The following NKAIN4 variants were observed in gnomAD, a reference collection of about 807,000 sequenced individuals.
NKAIN4 encodes sodium/potassium transporting ATPase interacting 4, also known as sodium/potassium-transporting ATPase subunit beta-1-interacting protein 4.
A neutral mutation model predicts 28.8 loss-of-function variants in NKAIN4; 28 were observed. That is an observed-to-expected ratio of 0.97 (90% CI 0.72 to 1.33). The LOEUF (loss-of-function observed/expected upper bound fraction) is 1.33, where lower values mean the gene tolerates loss of function less well. Among genes scored for constraint, NKAIN4 ranks in the 40% most tolerant of loss-of-function variants. The probability of loss-of-function intolerance (pLI) is 0.00; values close to 1 mark genes in which losing one functional copy is unlikely to be tolerated. For synonymous variants in NKAIN4, 122 were observed against 115.6 expected (o/e 1.06, Z -0.36); for missense variants, 289 against 277.2 (o/e 1.04, Z -0.30).
intron 3 of NKAIN4, 141 bp from the exon 4 acceptor site, chr20:63,247,916 GC>G: frequency 8.3e-7 from 1 of 1,209,020 alleles, no homozygotes; most frequent in Non-Finnish European, 1.1e-6. Context: ...ACTGCACCCC[GC>G]CCCCAGGGCT....
intron 1 of NKAIN4, 199 bp downstream of exon 1, chr20:63,254,198 C>T: frequency 2.2e-6 from 1 of 458,680 alleles, no homozygotes; most frequent in Non-Finnish European, 3.7e-6. Flanking sequence ...GGGGACGGGA[C>T]CCGGCGCCGC....
At chr20:63,241,826 C>G (rs1297408656) in intron 6 of NKAIN4, 6 of 508,158 alleles carry the variant, frequency 1.2e-5, no homozygotes, top group Non-Finnish European at 2.2e-5. Context: ...GACCCCACCC[C>G]TTCCCAGGTC....
chr20:63,241,558 C>G, intron 6 of NKAIN4, 52 bp from the exon 7 acceptor site: 4 of 1,511,640 alleles, frequency 2.6e-6, no homozygotes, highest in Non-Finnish European at 3.6e-6. Flanking sequence ...GGGGCAGCCA[C>G]TGGGGGCTGC....
At position 63,247,593 on chromosome 20, in the gene NKAIN4, C is replaced by T. The variant is rs777606981; in HGVS notation, c.456G>A (p.Leu152=). Residue 152 remains leucine (L), a synonymous_variant, in exon 4 of 7, where the codon CTG becomes CTA. Transcript: ENST00000370316. ...PSYVEALHSC[L]QILIALLGFV... ...CCACGCTCACCGCGATCAGGATCTG[C>T]AGGCAACTGTGTAGGGCCTCCACAT... 1.2e-5 allele frequency: 19 copies of T among 1,547,250 alleles called. No homozygotes were observed. The highest frequency in any genetic ancestry group is 2.0e-5 in the Admixed American group (1 of 50,760).
chr20:63,248,729 A>G, intron 3 of NKAIN4, 86 bp downstream of exon 3: 1 of 857,490 alleles, frequency 1.2e-6, no homozygotes, highest in Admixed American at 1.9e-5. Context: ...CAGACGACAG[A>G]TGAAAAGCAA....
chr20:63,247,102 G>A (rs2236192), intron 4 of NKAIN4: 47 of 1,039,708 alleles, frequency 4.5e-5, no homozygotes, highest in Non-Finnish European at 4.9e-5. Context: ...AGATGCATAC[G>A]CCAGGGTTCC....
intron 6 of NKAIN4, among the ~76,000 whole-genome samples, chr20:63,242,249 G>A (rs748909271): frequency 6.6e-5 from 10 of 152,044 alleles, no homozygotes; most frequent in Admixed American, 1.3e-4. Context: ...ACACCCTTGC[G>A]GCCCCCGACT....
At position 63,250,081 on chromosome 20, in the gene NKAIN4, A is replaced by C. The variant is rs1165998074; in HGVS notation, c.55-9T>G. On this transcript the variant is annotated splice_polypyrimidine_tract_variant and intron_variant, in intron 1 of 6. Coordinates refer to ENST00000370316, the MANE Select transcript of NKAIN4 (RefSeq NM_152864.4). ...CTCTCCAGGGCGGCGACCTAGGAGC[A>C]GGGCGGGCGCCATGAAGGGTGGACC... 6.4e-7 allele frequency: 1 copy of C among 1,557,548 alleles called. No individual in the cohort carries two copies. The highest frequency in any genetic ancestry group is 2.4e-5 in the East Asian group (1 of 41,282).
intron 2 of NKAIN4, 52 bp downstream of exon 2, chr20:63,249,883 C>CT: frequency 6.4e-7 from 1 of 1,558,762 alleles, no homozygotes; most frequent in Non-Finnish European, 8.7e-7. Flanking sequence ...GAGCCGCCAT[C>CT]CTGGTCACCT....
rs374149321 is a variant in NKAIN4, at chr20:63,250,089, C to T, written c.55-17G>A. 7.1e-6 allele frequency: 11 copies of T among 1,551,958 alleles called. No individual in the cohort carries two copies. The highest frequency in any genetic ancestry group is 4.1e-5 in the African/African-American group (3 of 73,144). On this transcript the variant is annotated splice_polypyrimidine_tract_variant and intron_variant, in intron 1 of 6. Transcript: ENST00000370316. The stretch of plus-strand genomic sequence containing the variant: ...GGCGGCGACCTAGGAGCAGGGCGGG[C>T]GCCATGAAGGGTGGACCCGAGGGAG...
chr20:63,249,392 A>C (rs2066917912), intron 2 of NKAIN4: 2 of 189,228 alleles, frequency 1.1e-5, no homozygotes, highest in Admixed American at 5.3e-5. Flanking sequence ...GGGCCACAGC[A>C]CCTAAGGTAT....
In NKAIN4 at chr20:63,241,467, C is replaced by T; in HGVS notation, c.*30G>A. 1 of 1,550,182 alleles carries T rather than the reference C, an allele frequency of 6.5e-7. No individual in the cohort carries two copies. Among genetic ancestry groups the T allele is most frequent in the Non-Finnish European group, 8.7e-7 (1 of 1,146,818 alleles). The stretch of plus-strand genomic sequence containing the variant: ...ACTGGTCGGTCGCTGAGGCTGGAGG[C>T]CACAGGAGCAGGATCAGCTGTTTCC... On this transcript the variant is annotated 3_prime_UTR_variant, in exon 7 of 7. Transcript: ENST00000370316.
chr20:63,253,799 C>T (rs2123142584), intron 1 of NKAIN4, among the ~76,000 whole-genome samples: 1 of 152,252 alleles, frequency 6.6e-6, no homozygotes, highest in Non-Finnish European at 1.5e-5. Context: ...GCTCCAGCCC[C>T]TTCTCGCCTC....
intron 5 of NKAIN4, among the ~76,000 whole-genome samples, chr20:63,243,024 G>A (rs970396707): frequency 4.6e-5 from 7 of 152,184 alleles, no homozygotes; most frequent in Non-Finnish European, 8.8e-5. Context: ...CTCTCCCGCC[G>A]CCCTCCGTCA....
Position 63,244,065 on chromosome 20 carries a change from CCA to C in NKAIN4, c.489_490del (p.Cys163TrpfsTer16), listed in dbSNP as rs1393803625. 1 of 1,613,836 alleles carries C rather than the reference CCA, an allele frequency of 6.2e-7. No homozygotes were observed. Among genetic ancestry groups the C allele is most frequent in the African/African-American group, 1.3e-5 (1 of 75,064 alleles). ...CGTAAACACGCTGACCACCTGGCAG[CCA>C]CAGACAAAGCCCAGAAGCTGAAAGA... On this transcript the variant is annotated frameshift_variant, in exon 5 of 7. Transcript: ENST00000370316. LOFTEE classifies it high-confidence loss of function.
At chr20:63,244,147 G>T in intron 4 of NKAIN4, 63 bp from the exon 5 acceptor site, 1 of 1,460,782 alleles carries the variant, frequency 6.8e-7, no homozygotes. Context: ...TGTCATTGAG[G>T]CGATGTGGGC....
At chr20:63,243,552 C>A (rs1049697102) in intron 5 of NKAIN4, among the ~76,000 whole-genome samples, 3 of 152,200 alleles carry the variant, frequency 2.0e-5, no homozygotes, top group Non-Finnish European at 4.4e-5. Context: ...GAGTGTGGAC[C>A]ACTCGTGTTG....
intron 1 of NKAIN4, among the ~76,000 whole-genome samples, chr20:63,251,333 G>A (rs897973703): frequency 1.3e-5 from 2 of 152,322 alleles, no homozygotes; most frequent in South Asian, 4.1e-4. Context: ...ACAGGGAGAC[G>A]GTTAGGCCTC....
At chr20:63,243,360 C>G (rs2123058239) in intron 5 of NKAIN4, among the ~76,000 whole-genome samples, 1 of 152,122 alleles carries the variant, frequency 6.6e-6, no homozygotes, top group South Asian at 2.1e-4. Flanking sequence ...CCCTGGAGTC[C>G]TGGGGACAGA....
Sources: gnomAD v4.1 joint callset for allele counts (sites outside exome capture counted in the v4.1 genomes callset) on GRCh38, gnomAD v4.1.1 for gene constraint, MANE v1.5 for transcripts, NCBI Gene and HGNC (gene_info 2026-07-23, HGNC 2026-07-21) for gene names.